KRCC1: variants seen among roughly 807,000 people sequenced by gnomAD.
The protein encoded by KRCC1 is lysine rich coiled-coil 1.
KRCC1 carries 3 observed loss-of-function variants against 7.4 expected under a neutral mutation model. The observed-to-expected ratio is 0.40, with a 90% CI of 0.18 to 1.04. The LOEUF (loss-of-function observed/expected upper bound fraction) is 1.04, where lower values mean the gene tolerates loss of function less well. KRCC1 is among the 50% of genes least tolerant of loss of function. The pLI, the probability that KRCC1 is intolerant of heterozygous loss-of-function variation, is 0.33. For synonymous variants in KRCC1, 102 were observed against 101.6 expected, an observed-to-expected ratio of 1.00 and a Z score of -0.02; for missense variants, 277 against 300.9, an observed-to-expected ratio of 0.92 and a Z score of 0.59.
chr2:88,050,322 T>G (rs1015991378), intron 1 of KRCC1, among the ~76,000 whole-genome samples: 23 of 152,192 alleles, frequency 1.5e-4, no homozygotes, highest in Non-Finnish European at 2.5e-4. Flanking sequence ...TTTTTTCTTT[T>G]TCTTAAAAAC....
chr2:88,042,269 C>G (rs1673228243), intron 1 of KRCC1, among the ~76,000 whole-genome samples: 1 of 152,174 alleles, frequency 6.6e-6, no homozygotes, highest in East Asian at 1.9e-4. Context: ...ACTGTGTTAG[C>G]CAAGATGGTC....
intron 3 of KRCC1, among the ~76,000 whole-genome samples, chr2:88,028,960 C>T (rs1394237177): frequency 6.6e-6 from 1 of 152,096 alleles, no homozygotes; most frequent in African/African-American, 2.4e-5. Flanking sequence ...CTCCTTTGCT[C>T]TTAAAAAGAG....
At chr2:88,032,680 AAT>A (rs1209685825) in intron 3 of KRCC1, among the ~76,000 whole-genome samples, 1 of 152,212 alleles carries the variant, frequency 6.6e-6, no homozygotes, top group Non-Finnish European at 1.5e-5. Flanking sequence ...GAATGGATTA[AAT>A]CAAACAGTGG....
chr2:88,031,266 G>A (rs1454340478), intron 3 of KRCC1, among the ~76,000 whole-genome samples: 1 of 151,980 alleles, frequency 6.6e-6, no homozygotes, highest in African/African-American at 2.4e-5. Context: ...TGAACCCTGT[G>A]AAGGCTTAGG....
chr2:88,035,056 T>A (rs1202780024), intron 2 of KRCC1, among the ~76,000 whole-genome samples: 1 of 152,184 alleles, frequency 6.6e-6, no homozygotes, highest in Non-Finnish European at 1.5e-5. Context: ...AAAAGAACTA[T>A]AAATTGAAAA....
chr2:88,031,283 T>C (rs1022112854), intron 3 of KRCC1, among the ~76,000 whole-genome samples: 2 of 151,514 alleles, frequency 1.3e-5, no homozygotes, highest in African/African-American at 4.9e-5. Flanking sequence ...TAGGCTAATG[T>C]GTGTGTTTGT....
chr2:88,028,641 G>GGT, intron 3 of KRCC1, 56 bp from the exon 4 acceptor site: 2 of 708,486 alleles, frequency 2.8e-6, no homozygotes, highest in Non-Finnish European at 4.1e-6. Flanking sequence ...CATTTCCTTT[G>GGT]CTCTTTTTTT....
intron 1 of KRCC1, among the ~76,000 whole-genome samples, chr2:88,043,679 T>A (rs903095014): frequency 2.0e-5 from 3 of 152,312 alleles, no homozygotes; most frequent in Admixed American, 6.5e-5. Flanking sequence ...CATAGTAACT[T>A]TTTTATGGAG....
chr2:88,053,947 C>T (rs1343318209), intron 1 of KRCC1, among the ~76,000 whole-genome samples: 4 of 152,172 alleles, frequency 2.6e-5, no homozygotes, highest in Admixed American at 1.3e-4. Context: ...ACACAGCAAA[C>T]ACTAAAAAAT....
chr2:88,028,172 C>A lies in KRCC1; in HGVS notation c.392G>T (p.Gly131Val), dbSNP rs760885895. ...NQQEYICGSH[G>V]VEHRVYKHFS... The stretch of plus-strand genomic sequence containing the variant: ...GTGCTTGTAAACTCTATGTTCTACA[C>A]CATGTGAGCCACAAATATATTCTTG... The change falls in exon 4 of 4, where the codon GGT becomes GTT. Residue 131 changes from glycine to valine, a missense_variant. Coordinates refer to ENST00000347055, the MANE Select transcript of KRCC1 (RefSeq NM_016618.3). The A allele has an allele frequency of 3.1e-6, 5 of 1,614,030 alleles. No homozygotes were observed. The Admixed American group carries it at 6.7e-5, about 22-fold the overall frequency.
intron 1 of KRCC1, among the ~76,000 whole-genome samples, chr2:88,041,231 C>G (rs1448231403): frequency 1.3e-5 from 2 of 152,130 alleles, no homozygotes; most frequent in Non-Finnish European, 2.9e-5. Flanking sequence ...CTGGGAAGAG[C>G]AGATAGACGG....
Position 88,027,996 on chromosome 2 carries a change from C to T in KRCC1, c.568G>A (p.Asp190Asn). The T allele has an allele frequency of 6.2e-7, 1 of 1,613,812 alleles. No individual in the cohort carries two copies. Among genetic ancestry groups the T allele is most frequent in the Non-Finnish European group, 8.5e-7 (1 of 1,179,994 alleles). The part of the protein sequence containing the change: ...RKKSCEEIDL[D>N]KHKSIQRKKT... ...TTTCTTTGGATGCTCTTGTGTTTGT[C>T]TAAGTCAATTTCCTCGCAGCTTTTT... Residue 190 changes from aspartate (D) to asparagine (N), a missense_variant, in exon 4 of 4, where the codon GAC becomes AAC. Transcript: ENST00000347055.
chr2:88,028,627 T>G, intron 3 of KRCC1, 42 bp from the exon 4 acceptor site: 1 of 1,045,178 alleles, frequency 9.6e-7, no homozygotes, highest in Non-Finnish European at 1.4e-6. Context: ...CATCTTGTCC[T>G]GAGCATTTCC....
At chr2:88,047,226 C>T (rs140436400) in intron 1 of KRCC1, among the ~76,000 whole-genome samples, 254 of 152,236 alleles carry the variant, frequency 1.7e-3, no homozygotes, top group African/African-American at 5.6e-3. Context: ...TCTCACAAAA[C>T]GCAACTTGAC....
intron 1 of KRCC1, among the ~76,000 whole-genome samples, chr2:88,049,801 AACAAATAATC>A (rs1673428109): frequency 6.6e-6 from 1 of 152,266 alleles, no homozygotes; most frequent in African/African-American, 2.4e-5. Context: ...GTCTGAAACT[AACAAATAATC>A]ATTAATGTTT....
chr2:88,051,539 TTAGA>T (rs1673487312), intron 1 of KRCC1, among the ~76,000 whole-genome samples: 1 of 152,254 alleles, frequency 6.6e-6, no homozygotes, highest in African/African-American at 2.4e-5. Flanking sequence ...TAGCCATGTT[TTAGA>T]TAGTGTGACA....
At chr2:88,035,533 C>G (rs940930871) in intron 2 of KRCC1, among the ~76,000 whole-genome samples, 12 of 152,042 alleles carry the variant, frequency 7.9e-5, no homozygotes, top group African/African-American at 2.9e-4. Flanking sequence ...ATGGAACTGT[C>G]CTAACAGCTT....
chr2:88,047,495 C>T (rs995414362), intron 1 of KRCC1, among the ~76,000 whole-genome samples: 9 of 152,172 alleles, frequency 5.9e-5, no homozygotes, highest in Admixed American at 4.6e-4. Context: ...CACAGCGTGA[C>T]CTGTTGTGAT....
chr2:88,040,979 G>A (rs1463500665), intron 1 of KRCC1, among the ~76,000 whole-genome samples: 1 of 152,122 alleles, frequency 6.6e-6, no homozygotes, highest in Non-Finnish European at 1.5e-5. Flanking sequence ...CATGCATAAA[G>A]GTAGTGAAAG....
Sources: gnomAD v4.1 joint callset for allele counts (sites outside exome capture counted in the v4.1 genomes callset) on GRCh38, gnomAD v4.1.1 for gene constraint, MANE v1.5 for transcripts, NCBI Gene and HGNC (gene_info 2026-07-23, HGNC 2026-07-21) for gene names.